The following GALNT1 variants were observed in gnomAD, a reference collection of about 807,000 sequenced individuals.
The protein encoded by GALNT1 is polypeptide N-acetylgalactosaminyltransferase 1.
Under a neutral mutation model 65.7 loss-of-function variants are expected in GALNT1, and 17 were observed. The ratio of observed to expected loss-of-function variants is 0.26; its 90% CI spans 0.18 to 0.39. The LOEUF (loss-of-function observed/expected upper bound fraction) is 0.39. Ranked by LOEUF, GALNT1 falls within the 10% of genes least tolerant of loss-of-function variation. GALNT1 has a pLI of 1.00. For missense variants in GALNT1, 460 were observed against 672.8 expected, an observed-to-expected ratio of 0.68 and a Z score of 3.50; for synonymous variants, 210 against 219.7, an observed-to-expected ratio of 0.96 and a Z score of 0.39.
chr18:35,619,234 TA>T (rs1255837163), intron 1 of GALNT1, among the ~76,000 whole-genome samples: 22 of 152,174 alleles, frequency 1.4e-4, no homozygotes, highest in African/African-American at 5.3e-4. Context: ...AGGCTATTAT[TA>T]GGGCCAAAAA....
chr18:35,594,011 A>G (rs548229685), intron 1 of GALNT1, among the ~76,000 whole-genome samples: 1 of 148,110 alleles, frequency 6.8e-6, no homozygotes, highest in East Asian at 2.0e-4. Flanking sequence ...TGCCCAGCCT[A>G]TAATACAAAT....
intron 1 of GALNT1, among the ~76,000 whole-genome samples, chr18:35,586,215 T>C (rs1055053662): frequency 5.3e-5 from 8 of 152,226 alleles, no homozygotes; most frequent in Non-Finnish European, 8.8e-5. Context: ...GTTGAACACT[T>C]CTCATGTGCT....
intron 2 of GALNT1, chr18:35,659,920 A>G (rs546564730): frequency 6.6e-6 from 1 of 152,310 alleles, no homozygotes; most frequent in African/African-American, 2.4e-5. Flanking sequence ...GAAAGTTACC[A>G]GTGAGTTAAG....
intron 1 of GALNT1, among the ~76,000 whole-genome samples, chr18:35,608,957 G>C (rs1409325517): frequency 1.3e-5 from 2 of 152,140 alleles, no homozygotes; most frequent in African/African-American, 2.4e-5. Context: ...AGTGAACAGA[G>C]TAAAAGCTTT....
At chr18:35,583,502 T>C (rs974174434) in intron 1 of GALNT1, among the ~76,000 whole-genome samples, 6 of 152,172 alleles carry the variant, frequency 3.9e-5, no homozygotes, top group Non-Finnish European at 8.8e-5. Flanking sequence ...AGAGCAGAGA[T>C]TGTGGCTTCC....
At position 35,700,250 on chromosome 18, in the gene GALNT1, A is replaced by G. The variant is rs76557266; in HGVS notation, c.1300-2647A>G. On this transcript the variant is annotated intron_variant, in intron 9 of 11. Transcript: ENST00000269195. Reference sequence around the variant, plus strand: ...GGAGAGCAGATGTCCCTTCAGCTACAAAGAAGCCACATATTTGTTGAGCCA... The same window carrying G: ...GGAGAGCAGATGTCCCTTCAGCTACGAAGAAGCCACATATTTGTTGAGCCA... 3.1e-3 allele frequency among the ~76,000 whole-genome samples: 471 copies of G among 152,346 alleles called. 2 individuals carry two copies. Among genetic ancestry groups the G allele is most frequent in the African/African-American group, 0.011 (441 of 41,590 alleles).
chr18:35,593,576 A>G (rs923814637), intron 1 of GALNT1, among the ~76,000 whole-genome samples: 5 of 152,108 alleles, frequency 3.3e-5, no homozygotes, highest in African/African-American at 1.2e-4. Context: ...AGGAAGGTCA[A>G]CTGTGGTGAC....
At chr18:35,707,881 C>T (rs747836956) in intron 11 of GALNT1, among the ~76,000 whole-genome samples, 8 of 152,236 alleles carry the variant, frequency 5.3e-5, no homozygotes, top group Non-Finnish European at 1.0e-4. Context: ...CGCTGAGCCG[C>T]AGCGCTCTGG....
chr18:35,663,687 A>G lies in GALNT1; in HGVS notation c.199A>G (p.Ile67Val). The G allele has an allele frequency of 6.2e-7, 1 of 1,614,104 alleles. No individual in the cohort carries two copies. The highest frequency in any genetic ancestry group is 8.5e-7 in the Non-Finnish European group (1 of 1,179,968). Residue 67 changes from isoleucine (I) to valine (V), a missense_variant, in exon 3 of 12, where the codon ATT becomes GTT. By Grantham distance (29) the Ile-to-Val change is conservative. Coordinates refer to ENST00000269195, the MANE Select transcript of GALNT1 (RefSeq NM_020474.4). ...GPGEMGKPVVIPKEDQEKMKE... is the reference protein window; with the variant it reads ...GPGEMGKPVVVPKEDQEKMKE... ...TGGAGAAATGGGGAAACCAGTCGTC[A>G]TTCCTAAAGAGGATCAAGAAAAGAT...
intron 9 of GALNT1, among the ~76,000 whole-genome samples, chr18:35,701,437 G>A (rs928119271): frequency 1.3e-5 from 2 of 152,140 alleles, no homozygotes; most frequent in African/African-American, 4.8e-5. Context: ...CACCTACCAG[G>A]ATGAAGGAAG....
At chr18:35,660,309 G>A (rs1360699032) in intron 2 of GALNT1, among the ~76,000 whole-genome samples, 1 of 152,126 alleles carries the variant, frequency 6.6e-6, no homozygotes, top group Admixed American at 6.5e-5. Flanking sequence ...AGGCATGCCA[G>A]TGGTTTGTGT....
At chr18:35,652,788 C>T (rs2047327755) in intron 1 of GALNT1, among the ~76,000 whole-genome samples, 1 of 152,200 alleles carries the variant, frequency 6.6e-6, no homozygotes, top group South Asian at 2.1e-4. Flanking sequence ...ACTTCACCTT[C>T]AATCTTAAAA....
At chr18:35,611,311 G>A (rs2144041398) in intron 1 of GALNT1, among the ~76,000 whole-genome samples, 1 of 152,244 alleles carries the variant, frequency 6.6e-6, no homozygotes, top group East Asian at 1.9e-4. Flanking sequence ...CCAAGGGATT[G>A]ATACCTCTAA....
chr18:35,653,230 A>G (rs2047333278), intron 1 of GALNT1, among the ~76,000 whole-genome samples: 1 of 152,212 alleles, frequency 6.6e-6, no homozygotes, highest in African/African-American at 2.4e-5. Context: ...AAGGAGGAAT[A>G]TAGGCAAGAG....
At chr18:35,654,931 G>A (rs930662556) in intron 2 of GALNT1, 130 bp downstream of exon 2, 28 of 570,504 alleles carry the variant, frequency 4.9e-5, no homozygotes, top group African/African-American at 4.7e-4. Context: ...GGAGATATGA[G>A]GATCATATTG....
chr18:35,593,010 CTGT>C (rs567989502), intron 1 of GALNT1, among the ~76,000 whole-genome samples: 5 of 151,960 alleles, frequency 3.3e-5, no homozygotes, highest in African/African-American at 7.3e-5. Context: ...GGTTGTTTTC[CTGT>C]TGTTGTTGTT....
chr18:35,669,341 C>T (rs2047597075), intron 3 of GALNT1, among the ~76,000 whole-genome samples: 1 of 152,206 alleles, frequency 6.6e-6, no homozygotes, highest in African/African-American at 2.4e-5. Flanking sequence ...AGCAACATAT[C>T]AAACTTATTT....
chr18:35,593,458 A>T (rs748517324), intron 1 of GALNT1, among the ~76,000 whole-genome samples: 9 of 152,086 alleles, frequency 5.9e-5, no homozygotes, highest in Non-Finnish European at 5.9e-5. Flanking sequence ...AGTTGAGGCA[A>T]GTGGTTTTTA....
At chr18:35,647,356 G>A (rs1317846527) in intron 1 of GALNT1, among the ~76,000 whole-genome samples, 2 of 152,166 alleles carry the variant, frequency 1.3e-5, no homozygotes, top group South Asian at 4.1e-4. Flanking sequence ...GTCAGGGAGT[G>A]TGTGCATTTT....
Sources: allele counts gnomAD v4.1 joint callset (sites outside exome capture counted in the v4.1 genomes callset), GRCh38; gene constraint gnomAD v4.1.1; transcripts MANE v1.5; gene names NCBI Gene and HGNC (gene_info 2026-07-23, HGNC 2026-07-21).